The following ITGA4 variants were observed in gnomAD, a reference collection of about 807,000 sequenced individuals.
ITGA4 encodes the protein integrin subunit alpha 4.
ITGA4 carries 63 observed loss-of-function variants against 133.6 expected under a neutral mutation model. That is an observed-to-expected ratio of 0.47 (90% CI 0.38 to 0.58). The LOEUF (loss-of-function observed/expected upper bound fraction) is 0.58, where lower values mean the gene tolerates loss of function less well. ITGA4 is among the 20% of genes least tolerant of loss of function. ITGA4 has a pLI of 0.00. For synonymous variants in ITGA4, 483 were observed against 438.0 expected, an observed-to-expected ratio of 1.10 and a Z score of -1.28; for missense variants, 1,076 against 1,252.7, an observed-to-expected ratio of 0.86 and a Z score of 2.13.
At chr2:181,499,715 C>T (rs1380099716) in intron 15 of ITGA4, among the ~76,000 whole-genome samples, 1 of 151,992 alleles carries the variant, frequency 6.6e-6, no homozygotes, top group Non-Finnish European at 1.5e-5. Context: ...TGGTTCAGAG[C>T]CAAAAGTATA....
chr2:181,499,036 A>G (rs186159096), intron 15 of ITGA4: 71 of 245,978 alleles, frequency 2.9e-4, no homozygotes, highest in Non-Finnish European at 1.4e-4. Context: ...CCTTTCTAAA[A>G]TTTCATTTCT....
rs1485717618 is a variant in ITGA4 at position 181,523,782 on chromosome 2, C to T, written c.2169+250C>T. On this transcript the variant is annotated intron_variant, in intron 19 of 27. Coordinates refer to ENST00000397033, the MANE Select transcript of ITGA4 (RefSeq NM_000885.6). This position sits in a 1 kb window ranked among gnomAD's most constrained non-coding sequence, Gnocchi z 4.2. ...TGCATGTGTCAATCAGAATTCTGCT[C>T]CCCCTACACACCCTTCCCGAAAACC... Among the ~76,000 whole-genome samples the T allele has an allele frequency of 1.3e-5, 2 of 152,072 alleles. No homozygotes were observed. Among genetic ancestry groups the T allele is most frequent in the African/African-American group, 4.8e-5 (2 of 41,398 alleles).
At chr2:181,527,534 T>G in intron 22 of ITGA4, 147 bp downstream of exon 22, 1 of 583,142 alleles carries the variant, frequency 1.7e-6, no homozygotes, top group Non-Finnish European at 3.1e-6. Context: ...GTGGTACTCC[T>G]GCCTCTCAGA....
chr2:181,477,922 G>A (rs575640084), intron 4 of ITGA4, among the ~76,000 whole-genome samples: 5 of 152,218 alleles, frequency 3.3e-5, no homozygotes, highest in African/African-American at 1.2e-4. Context: ...ATTCACAATA[G>A]CCAAGTTACA....
At chr2:181,513,443 A>T (rs1348051588) in intron 17 of ITGA4, among the ~76,000 whole-genome samples, 1 of 152,084 alleles carries the variant, frequency 6.6e-6, no homozygotes, top group East Asian at 1.9e-4. Context: ...TCTGATATCC[A>T]GAATTATTAA....
chr2:181,476,025 A>G, intron 4 of ITGA4: 1 of 919,426 alleles, frequency 1.1e-6, no homozygotes, highest in South Asian at 2.8e-5. Flanking sequence ...GAAAAATTTT[A>G]TTGGTTGGCA....
intron 4 of ITGA4, chr2:181,475,829 G>T: frequency 6.2e-7 from 1 of 1,602,774 alleles, no homozygotes; most frequent in Non-Finnish European, 8.5e-7. Context: ...GGTAGCATCA[G>T]CAAGTACAGA....
At chr2:181,482,286 G>T in intron 7 of ITGA4, 74 bp from the exon 8 acceptor site, 2 of 1,388,554 alleles carry the variant, frequency 1.4e-6, no homozygotes, top group East Asian at 2.4e-5. Flanking sequence ...TTCATGTTTT[G>T]ATCAAACAGA....
intron 16 of ITGA4, 130 bp downstream of exon 16, chr2:181,509,937 GATTT>G: frequency 1.6e-6 from 1 of 627,446 alleles, no homozygotes; most frequent in Non-Finnish European, 2.7e-6. Flanking sequence ...AACAAAAATA[GATTT>G]ATTCATTTCT....
chr2:181,538,243 A>C lies in ITGA4; in HGVS notation c.*2716A>C. 6.4e-7 allele frequency: 1 copy of C among 1,567,478 alleles called. No homozygotes were observed. The highest frequency in any genetic ancestry group is 8.8e-7 in the Non-Finnish European group (1 of 1,138,868). On this transcript the variant is annotated 3_prime_UTR_variant, in exon 28 of 28. Coordinates refer to ENST00000397033, the MANE Select transcript of ITGA4 (RefSeq NM_000885.6). Reference sequence around the variant, plus strand: ...TAAAGACTGATAAGTCTTGGATGCAATCTGTAAAGAAAATACATTATTTCA... The same window carrying C: ...TAAAGACTGATAAGTCTTGGATGCACTCTGTAAAGAAAATACATTATTTCA...
intron 10 of ITGA4, among the ~76,000 whole-genome samples, chr2:181,492,337 G>A (rs1421997554): frequency 6.6e-6 from 1 of 152,180 alleles, no homozygotes; most frequent in Non-Finnish European, 1.5e-5. Flanking sequence ...ACATTGTTTA[G>A]CATGGAGTTA....
At chr2:181,498,535 C>A in intron 14 of ITGA4, 88 bp from the exon 15 acceptor site, 1 of 696,358 alleles carries the variant, frequency 1.4e-6, no homozygotes, top group Non-Finnish European at 2.3e-6. Context: ...TTCCAGTAGT[C>A]CATATAACTT....
rs1441888758 is a variant in ITGA4, at chr2:181,537,000, G to A, written c.*1473G>A. On this transcript the variant is annotated 3_prime_UTR_variant, in exon 28 of 28. Coordinates refer to ENST00000397033, the MANE Select transcript of ITGA4 (RefSeq NM_000885.6). ...ATGAAAGTTATCTGTTCACAGGCCT[G>A]CAGTGATGGTGAGGAATGTTCTGAG... 2.2e-6 allele frequency: 1 copy of A among 449,764 alleles called. No individual in the cohort carries two copies. The highest frequency in any genetic ancestry group is 4.4e-6 in the Non-Finnish European group (1 of 224,914). The allele number at this position is 449,764 out of a possible 1,614,324, so 27.9% of individuals were successfully genotyped here. A position where few individuals can be genotyped will look rare whatever the true frequency, so the allele number is the denominator to read the frequency against.
intron 2 of ITGA4, among the ~76,000 whole-genome samples, chr2:181,463,033 A>G (rs1432687354): frequency 6.6e-6 from 1 of 152,202 alleles, no homozygotes; most frequent in Non-Finnish European, 1.5e-5. Context: ...TCTAGGTAAG[A>G]CAATAAAGTG....
Position 181,474,242 on chromosome 2 carries a change from A to T in ITGA4, c.320-718A>T, listed in dbSNP as rs79155192. ...ATGATCACTGTGAAGACCACTTCTTATATAGTATAGAAGTACTATCTAGTA... is the reference window on the plus strand; with the variant it reads ...ATGATCACTGTGAAGACCACTTCTTTTATAGTATAGAAGTACTATCTAGTA... On this transcript the variant is annotated intron_variant, in intron 2 of 27. Transcript: ENST00000397033. Among the ~76,000 whole-genome samples, 166 of 152,374 alleles carry T rather than the reference A, an allele frequency of 1.1e-3. 2 individuals are homozygous for T. In the East Asian group the frequency reaches 0.028, roughly 26 times the overall value.
chr2:181,530,017 CTTTTT>C, intron 23 of ITGA4, among the ~76,000 whole-genome samples: 1 of 152,208 alleles, frequency 6.6e-6, no homozygotes, highest in African/African-American at 2.4e-5. Context: ...GGATTATAGC[CTTTTT>C]TTAAGGAAGC....
At chr2:181,534,769 G>GT in intron 26 of ITGA4, 47 bp from the exon 27 acceptor site, 1 of 1,067,652 alleles carries the variant, frequency 9.4e-7, no homozygotes, top group Non-Finnish European at 1.3e-6. Context: ...GTTTTAAACT[G>GT]ATTTTTTTTT....
At chr2:181,464,525 A>G (rs1417867759) in intron 2 of ITGA4, among the ~76,000 whole-genome samples, 8 of 152,158 alleles carry the variant, frequency 5.3e-5, no homozygotes, top group East Asian at 3.8e-4. Context: ...AAGCATGACA[A>G]TAGACAGGTA....
intron 17 of ITGA4, among the ~76,000 whole-genome samples, chr2:181,521,954 T>C (rs1281985924): frequency 6.6e-6 from 1 of 152,182 alleles, no homozygotes; most frequent in Non-Finnish European, 1.5e-5. Flanking sequence ...AGTTTAATTA[T>C]AGCTCATTAA....
Sources: allele counts gnomAD v4.1 joint callset (sites outside exome capture counted in the v4.1 genomes callset), GRCh38; gene constraint gnomAD v4.1.1; non-coding constraint Gnocchi (gnomAD v3.1); transcripts MANE v1.5; gene names NCBI Gene and HGNC (gene_info 2026-07-23, HGNC 2026-07-21).